The following PNKP variants were observed in gnomAD, a reference collection of about 807,000 sequenced individuals.
PNKP encodes polynucleotide kinase 3'-phosphatase, also known as bifunctional polynucleotide phosphatase/kinase.
Under a neutral mutation model 66.2 loss-of-function variants are expected in PNKP, and 82 were observed. The observed-to-expected ratio is 1.24, with a 90% confidence interval of 1.04 to 1.49. The LOEUF (loss-of-function observed/expected upper bound fraction) is 1.49, where lower values mean the gene tolerates loss of function less well. Among genes scored for constraint, PNKP ranks in the 40% most tolerant of loss-of-function variants. The probability of loss-of-function intolerance (pLI) is 0.00; values close to 1 mark genes in which losing one functional copy is unlikely to be tolerated. For missense variants in PNKP, 907 were observed against 706.8 expected, an observed-to-expected ratio of 1.28 and a Z score of -3.21; for synonymous variants, 412 against 298.9, an observed-to-expected ratio of 1.38 and a Z score of -3.90.
intron 2 of PNKP, chr19:49,866,832 G>A (rs2074824051): frequency 4.9e-6 from 3 of 613,376 alleles, no homozygotes; most frequent in South Asian, 1.9e-5. Context: ...CATCATCCGC[G>A]CAGTGAACAT....
In PNKP at chr19:49,862,597, G is replaced by A. The variant is rs746607054; in HGVS notation, c.877C>T (p.Arg293Cys). ...CGCCCCGGGGCCCAGTTGGCCGGGC[G>A]TCCGGCTGCGTCTGGAACACACGGG... The part of the protein sequence containing the change: ...DSIFVGDAAG[R>C]PANWAPGRKK... Residue 293 changes from arginine (R) to cysteine (C), a missense_variant, in exon 10 of 17, where the codon CGC (arginine) becomes TGC (cysteine). Arg to Cys is a radical substitution (Grantham distance 180). Coordinates refer to ENST00000322344, the MANE Select transcript of PNKP (RefSeq NM_007254.4). 1.2e-6 allele frequency: 2 copies of A among 1,613,628 alleles called. No individual in the cohort carries two copies. Among genetic ancestry groups the A allele is most frequent in the East Asian group, 2.2e-5 (1 of 44,848 alleles).
At chr19:49,862,312 C>T (rs1419710928) in intron 11 of PNKP, 31 bp from the exon 12 acceptor site, 3 of 1,543,660 alleles carry the variant, frequency 1.9e-6, no homozygotes, top group Non-Finnish European at 2.6e-6. Flanking sequence ...GCGTGAGATG[C>T]CGTCCCCATC....
chr19:49,867,083 A>C lies in PNKP; in HGVS notation c.122T>G (p.Val41Gly). 6.2e-7 allele frequency: 1 copy of C among 1,613,766 alleles called. No individual in the cohort carries two copies. Among genetic ancestry groups the C allele is most frequent in the South Asian group, 1.1e-5 (1 of 91,082 alleles). Reference sequence around the variant, plus strand: ...AGTTCTGGAGCACTTCCGGTCCGTAACCTGGGTCAGGGGTCCCCTGCCCAG... The same window carrying C: ...AGTTCTGGAGCACTTCCGGTCCGTACCCTGGGTCAGGGGTCCCCTGCCCAG... ...LVLGRGPLTQ[V>G]TDRKCSRTQV... The change falls in exon 2 of 17, where the codon GTT (valine) becomes GGT (glycine). Residue 41 changes from valine to glycine, a missense_variant. Coordinates refer to ENST00000322344, the MANE Select transcript of PNKP (RefSeq NM_007254.4).
rs1208641157 is a variant in PNKP at position 49,861,218 on chromosome 19, CGTT to C, written c.*27_*29del. The C allele has an allele frequency of 7.0e-7, 1 of 1,436,250 alleles. No homozygotes were observed. Among genetic ancestry groups the C allele is most frequent in the Non-Finnish European group, 9.8e-7 (1 of 1,018,818 alleles). The allele number at this position is 1,436,250 out of a possible 1,614,324, so 89.0% of individuals were successfully genotyped here. ...GCCGGCCAAGCTCAAGGAGAAACAGCGTTTATTGTGGAGGGGAGCTGGGCGGGG... is the reference window on the plus strand; with the variant it reads ...GCCGGCCAAGCTCAAGGAGAAACAGCTATTGTGGAGGGGAGCTGGGCGGGG... On this transcript the variant is annotated 3_prime_UTR_variant, in exon 17 of 17. Coordinates refer to ENST00000322344, the MANE Select transcript of PNKP (RefSeq NM_007254.4).
At chr19:49,867,296 T>C in intron 1 of PNKP, 79 bp from the exon 2 acceptor site, 1 of 1,408,810 alleles carries the variant, frequency 7.1e-7, no homozygotes, top group Non-Finnish European at 9.6e-7. Flanking sequence ...CCACATCCAC[T>C]AGAAAGTTTC....
chr19:49,865,076 G>A (rs2074807996), intron 4 of PNKP, 51 bp downstream of exon 4: 5 of 1,527,610 alleles, frequency 3.3e-6, no homozygotes, highest in Non-Finnish European at 4.5e-6. Context: ...ACAAACGTGG[G>A]ATTGGGTCCC....
At chr19:49,864,716 C>T (rs1287896896) in intron 4 of PNKP, among the ~76,000 whole-genome samples, 5 of 152,170 alleles carry the variant, frequency 3.3e-5, no homozygotes, top group East Asian at 1.9e-4. Flanking sequence ...GGCTAATAAC[C>T]GTGAAAATAA....
At position 49,863,613 on chromosome 19, in the gene PNKP, C is replaced by A. The variant is rs1600419736; in HGVS notation, c.816+76G>T. ...GGACAGAGGAGTAAGGAGGCCCCAA[C>A]CGGAGGCCGGGGAGCCCAGGAGTGA... On this transcript the variant is annotated intron_variant, in intron 8 of 16. Coordinates refer to ENST00000322344, the MANE Select transcript of PNKP (RefSeq NM_007254.4). The A allele has an allele frequency of 2.7e-6, 3 of 1,127,146 alleles. No homozygotes were observed. In the East Asian group the frequency reaches 7.7e-5, roughly 29 times the overall value. 69.8% of individuals were successfully genotyped at this position (1,127,146 alleles called of 1,614,324 possible).
Position 49,863,685 on chromosome 19 carries a change from T to G in PNKP, c.816+4A>C, listed in dbSNP as rs1354587043. 1 of 1,551,606 alleles carries G rather than the reference T, an allele frequency of 6.4e-7. No individual in the cohort carries two copies. The highest frequency in any genetic ancestry group is 8.7e-7 in the Non-Finnish European group (1 of 1,146,304). On this transcript the variant is annotated splice_donor_region_variant and intron_variant, in intron 8 of 16. Coordinates refer to ENST00000322344, the MANE Select transcript of PNKP (RefSeq NM_007254.4). ...AGGGGGGCCGGGCAGGCTGCAAGAC[T>G]CACCTGCTCCTGCAGATGGTCCCAC...
Position 49,865,188 on chromosome 19 carries a change from C to G in PNKP, c.437G>C (p.Gly146Ala). ...TAGCAACTTCTCCAAGTTCTCCCAG[C>G]CGGGGTTTGACTTCCGCATACGCTT... ...PKKRMRKSNP[G>A]WENLEKLLVF... The change falls in exon 4 of 17, where the codon GGC becomes GCC. Residue 146 changes from glycine (G) to alanine (A), a missense_variant. By Grantham distance (60) the Gly-to-Ala change is moderately conservative. Coordinates refer to ENST00000322344, the MANE Select transcript of PNKP (RefSeq NM_007254.4). 6.2e-7 allele frequency: 1 copy of G among 1,614,226 alleles called. No individual in the cohort carries two copies. The highest frequency in any genetic ancestry group is 8.5e-7 in the Non-Finnish European group (1 of 1,180,042).
rs1019739332 is a variant in PNKP, at chr19:49,863,725, C to T, written c.780G>A (p.Lys260=). The T allele has an allele frequency of 6.4e-7, 1 of 1,558,772 alleles. No homozygotes were observed. The highest frequency in any genetic ancestry group is 1.4e-5 in the African/African-American group (1 of 73,628). ...GATGGTCCCACATGCCCGTCACCGG[C>T]TTCCGGTACAAGCCTGCGTGCGTGG... The part of the protein sequence containing the change: ...LVATHAGLYR[K]PVTGMWDHLQ... Residue 260 remains lysine (K), a synonymous_variant, in exon 8 of 17, where the codon AAG becomes AAA. Transcript: ENST00000322344.
Position 49,862,158 on chromosome 19 carries a change from G to T in PNKP, c.1126+27C>A, listed in dbSNP as rs1004562051. The T allele has an allele frequency of 1.9e-6, 3 of 1,613,328 alleles. No individual in the cohort carries two copies. In the Admixed American group the frequency reaches 5.0e-5, roughly 27 times the overall value. Reference sequence around the variant, plus strand: ...GCCTAGGACCCAGGCGGGGCTCAGGGCACGCGCACAGGAACAGGACACTTA... The same window carrying T: ...GCCTAGGACCCAGGCGGGGCTCAGGTCACGCGCACAGGAACAGGACACTTA... On this transcript the variant is annotated intron_variant, in intron 12 of 16. Transcript: ENST00000322344.
chr19:49,866,138 GA>G, intron 3 of PNKP: 1 of 506,596 alleles, frequency 2.0e-6, no homozygotes, highest in Admixed American at 3.0e-5. Context: ...TCAGCCTCCC[GA>G]TTAGGAACTA....
intron 8 of PNKP, among the ~76,000 whole-genome samples, chr19:49,863,105 G>GGGCCTCGCTT (rs1198264719): frequency 3.3e-5 from 5 of 152,190 alleles, no homozygotes. Context: ...CCCTCGCTTA[G>GGGCCTCGCTT]AGCCAGCCGC....
In PNKP at chr19:49,861,286, T is replaced by A. The variant is rs1379256188; in HGVS notation, c.1528A>T (p.Arg510Trp). Residue 510 changes from arginine to tryptophan, a missense_variant, in exon 17 of 17, where the codon AGG (arginine) becomes TGG (tryptophan). Physicochemically the swap from Arg to Trp is moderately radical, Grantham distance 101. Coordinates refer to ENST00000322344, the MANE Select transcript of PNKP (RefSeq NM_007254.4). Reference sequence around the variant, plus strand: ...AACTGGCAGTACAGCCGCCCCAGCCTCGGCTCCACCCATAGCCGGAACGGG... The same window carrying A: ...AACTGGCAGTACAGCCGCCCCAGCCACGGCTCCACCCATAGCCGGAACGGG... ...EIPFRLWVEP[R>W]LGRLYCQFSE... 6.2e-7 allele frequency: 1 copy of A among 1,613,642 alleles called. No homozygotes were observed. The highest frequency in any genetic ancestry group is 1.3e-5 in the African/African-American group (1 of 74,876).
At chr19:49,861,727 C>T (rs763050200) in intron 14 of PNKP, 32 bp from the exon 15 acceptor site, 136 of 1,549,108 alleles carry the variant, frequency 8.8e-5, no homozygotes, top group Non-Finnish European at 1.1e-4. Flanking sequence ...GTGCAGGCCC[C>T]GCCCACCCCG....
In PNKP at chr19:49,867,089, G is replaced by A. The variant is rs2074826124; in HGVS notation, c.116C>T (p.Thr39Ile). 1 of 1,613,874 alleles carries A rather than the reference G, an allele frequency of 6.2e-7. No individual in the cohort carries two copies. The highest frequency in any genetic ancestry group is 2.2e-5 in the East Asian group (1 of 44,876). ...QALVLGRGPLTQVTDRKCSRT... is the reference protein window; with the variant it reads ...QALVLGRGPLIQVTDRKCSRT... ...GGAGCACTTCCGGTCCGTAACCTGGGTCAGGGGTCCCCTGCCCAGGACCAG... is the reference window on the plus strand; with the variant it reads ...GGAGCACTTCCGGTCCGTAACCTGGATCAGGGGTCCCCTGCCCAGGACCAG... Residue 39 changes from threonine to isoleucine, a missense_variant, in exon 2 of 17, where the codon ACC becomes ATC. By Grantham distance (89) the Thr-to-Ile change is moderately conservative (BLOSUM62 -1). Transcript: ENST00000322344.
At position 49,861,226 on chromosome 19, in the gene PNKP, G is replaced by T. The variant is rs752203096; in HGVS notation, c.*22C>A. Reference sequence around the variant, plus strand: ...AGCTCAAGGAGAAACAGCGTTTATTGTGGAGGGGAGCTGGGCGGGGCTCAG... The same window carrying T: ...AGCTCAAGGAGAAACAGCGTTTATTTTGGAGGGGAGCTGGGCGGGGCTCAG... On this transcript the variant is annotated 3_prime_UTR_variant, in exon 17 of 17. Coordinates refer to ENST00000322344, the MANE Select transcript of PNKP (RefSeq NM_007254.4). 4 of 1,483,848 alleles carry T rather than the reference G, an allele frequency of 2.7e-6. No homozygotes were observed. The highest frequency in any genetic ancestry group is 3.3e-5 in the Admixed American group (2 of 59,870). The allele number at this position is 1,483,848 out of a possible 1,614,324, so 91.9% of individuals were successfully genotyped here. A position where few individuals can be genotyped will look rare whatever the true frequency, so the allele number is the denominator to read the frequency against.
chr19:49,861,569 G>A (rs1312181738), intron 15 of PNKP, 39 bp downstream of exon 15: 2 of 1,559,136 alleles, frequency 1.3e-6, no homozygotes, highest in African/African-American at 1.4e-5. Context: ...GGGGGTCAGG[G>A]GGTGCAGCCC....
Sources: allele counts gnomAD v4.1 joint callset (sites outside exome capture counted in the v4.1 genomes callset), GRCh38; gene constraint gnomAD v4.1.1; transcripts MANE v1.5; gene names NCBI Gene and HGNC (gene_info 2026-07-23, HGNC 2026-07-21).